Variants in NUMB observed in about 807,000 individuals in gnomAD.
The protein encoded by NUMB is protein numb homolog.
In NUMB, 29 loss-of-function variants were observed where a neutral mutation model predicts 59.7. That is an observed-to-expected ratio of 0.49 (90% CI 0.36 to 0.66). The LOEUF (loss-of-function observed/expected upper bound fraction) is 0.66. Among genes scored for constraint, NUMB ranks in the 30% least tolerant of loss-of-function variants. NUMB has a pLI of 0.00. For missense variants in NUMB, 723 were observed against 822.0 expected, an observed-to-expected ratio of 0.88 and a Z score of 1.47; for synonymous variants, 288 against 288.2, an observed-to-expected ratio of 1.00 and a Z score of 0.01.
intron 2 of NUMB, among the ~76,000 whole-genome samples, chr14:73,374,156 C>T (rs1014515770): frequency 6.6e-6 from 1 of 152,136 alleles, no homozygotes; most frequent in Non-Finnish European, 1.5e-5. Flanking sequence ...AGGCGTGAGC[C>T]ACCACGCCCA....
intron 1 of NUMB, among the ~76,000 whole-genome samples, chr14:73,415,628 A>T (rs966367081): frequency 6.6e-6 from 1 of 151,310 alleles, no homozygotes; most frequent in African/African-American, 2.4e-5. Context: ...CACCACGCTC[A>T]GCTAATTTTT....
At chr14:73,304,583 C>G (rs920164755) in intron 6 of NUMB, among the ~76,000 whole-genome samples, 6 of 152,100 alleles carry the variant, frequency 3.9e-5, no homozygotes, top group African/African-American at 1.4e-4. Flanking sequence ...ATTAGGATTA[C>G]AGATGTGAGC....
chr14:73,414,235 C>T (rs190478571), intron 1 of NUMB, among the ~76,000 whole-genome samples: 21 of 152,224 alleles, frequency 1.4e-4, no homozygotes, highest in Admixed American at 1.0e-3. Context: ...GGATTACAGG[C>T]GTAAGCCACC....
intron 2 of NUMB, among the ~76,000 whole-genome samples, chr14:73,381,019 G>A (rs577438830): frequency 1.7e-4 from 26 of 152,116 alleles, no homozygotes; most frequent in South Asian, 2.1e-4. Context: ...CACTGCACCC[G>A]ACCTCAATTA....
chr14:73,386,261 ACTT>A (rs1242602542), intron 2 of NUMB, among the ~76,000 whole-genome samples: 3 of 152,136 alleles, frequency 2.0e-5, no homozygotes, highest in Non-Finnish European at 2.9e-5. Context: ...AAAACAAAGA[ACTT>A]CTGTATTTCA....
intron 4 of NUMB, among the ~76,000 whole-genome samples, chr14:73,324,733 C>G (rs981335658): frequency 1.3e-5 from 2 of 151,938 alleles, no homozygotes; most frequent in Non-Finnish European, 2.9e-5. Context: ...ACAGAATTCA[C>G]AGAATAGGTA....
chr14:73,353,789 A>C (rs547383278), intron 4 of NUMB, among the ~76,000 whole-genome samples: 1 of 152,064 alleles, frequency 6.6e-6, no homozygotes, highest in East Asian at 1.9e-4. Flanking sequence ...TTATACTCCA[A>C]GCAACCAATG....
intron 12 of NUMB, among the ~76,000 whole-genome samples, chr14:73,278,830 C>T (rs768197517): frequency 4.8e-5 from 7 of 145,090 alleles, no homozygotes; most frequent in Admixed American, 1.5e-4. Flanking sequence ...CAGGTTCAAG[C>T]GATTCTCCTG....
At chr14:73,396,862 C>A (rs113211182) in intron 2 of NUMB, among the ~76,000 whole-genome samples, 1 of 152,136 alleles carries the variant, frequency 6.6e-6, no homozygotes, top group Admixed American at 6.5e-5. Context: ...GTGGCTCATG[C>A]CTGTAATCCC....
At chr14:73,281,651 G>A (rs529402830) in intron 11 of NUMB, 1 of 152,210 alleles carries the variant, frequency 6.6e-6, no homozygotes, top group Non-Finnish European at 1.5e-5. Context: ...TATTTAGTCA[G>A]TATCTCTGAA....
chr14:73,350,442 G>T (rs186835779), intron 4 of NUMB, among the ~76,000 whole-genome samples: 22 of 148,992 alleles, frequency 1.5e-4, no homozygotes, highest in Non-Finnish European at 3.0e-4. Context: ...CAAAGTGCTG[G>T]GATTACAGGC....
intron 2 of NUMB, among the ~76,000 whole-genome samples, chr14:73,396,480 T>C (rs1335141756): frequency 6.6e-6 from 1 of 152,056 alleles, no homozygotes; most frequent in African/African-American, 2.4e-5. Context: ...CCAGAGCAGC[T>C]GGGACTACAG....
intron 2 of NUMB, among the ~76,000 whole-genome samples, chr14:73,400,189 A>G (rs1896346549): frequency 6.6e-6 from 1 of 152,250 alleles, no homozygotes; most frequent in South Asian, 2.1e-4. Context: ...TACATATACC[A>G]TATGATTCCA....
intron 1 of NUMB, among the ~76,000 whole-genome samples, chr14:73,443,540 A>C (rs1374428788): frequency 6.6e-6 from 1 of 150,378 alleles, no homozygotes; most frequent in African/African-American, 2.4e-5. Flanking sequence ...GGTTGCAGTG[A>C]GCCGAGACCA....
chr14:73,447,251 G>A (rs1346544947), intron 1 of NUMB, among the ~76,000 whole-genome samples: 1 of 150,930 alleles, frequency 6.6e-6, no homozygotes, highest in Admixed American at 6.6e-5. Flanking sequence ...CACTTTGGGA[G>A]GCTAAGGTGG....
chr14:73,345,108 A>G (rs1430706406), intron 4 of NUMB, among the ~76,000 whole-genome samples: 1 of 152,254 alleles, frequency 6.6e-6, no homozygotes, highest in African/African-American at 2.4e-5. Context: ...GATGCCCATC[A>G]GTGGTGGACT....
intron 1 of NUMB, among the ~76,000 whole-genome samples, chr14:73,453,251 G>T (rs984226020): frequency 6.6e-6 from 1 of 152,100 alleles, no homozygotes; most frequent in African/African-American, 2.4e-5. Flanking sequence ...TCCTGCCTCA[G>T]CCTCCTGAGT....
At chr14:73,287,009 T>G in intron 9 of NUMB, 101 bp downstream of exon 9, 1 of 1,113,822 alleles carries the variant, frequency 9.0e-7, no homozygotes, top group South Asian at 1.3e-5. Flanking sequence ...TTGCTAAGGG[T>G]TCTCTTTGAT....
chr14:73,368,019 C>T (rs1334187235), intron 2 of NUMB, among the ~76,000 whole-genome samples: 2 of 150,128 alleles, frequency 1.3e-5, no homozygotes, highest in Non-Finnish European at 2.9e-5. Flanking sequence ...TTTCTTGTAG[C>T]AAACAGTAGT....
Sources: allele counts gnomAD v4.1 joint callset (sites outside exome capture counted in the v4.1 genomes callset), GRCh38; gene constraint gnomAD v4.1.1; transcripts MANE v1.5; gene names NCBI Gene and HGNC (gene_info 2026-07-23, HGNC 2026-07-21).